The following CTTNBP2 variants were observed in gnomAD, a reference collection of about 807,000 sequenced individuals.
The protein encoded by CTTNBP2 is cortactin-binding protein 2.
A neutral mutation model predicts 156.9 loss-of-function variants in CTTNBP2; 108 were observed. That is an observed-to-expected ratio of 0.69 (90% confidence interval 0.59 to 0.81). The LOEUF (loss-of-function observed/expected upper bound fraction) is 0.81, where lower values mean the gene tolerates loss of function less well. Ranked by LOEUF, CTTNBP2 falls within the 30% of genes least tolerant of loss-of-function variation. The probability of loss-of-function intolerance (pLI) is 0.00; values close to 1 mark genes in which losing one functional copy is unlikely to be tolerated. For missense variants in CTTNBP2, 1,924 were observed against 2,035.4 expected, an observed-to-expected ratio of 0.95 and a Z score of 1.05; for synonymous variants, 767 against 751.8, an observed-to-expected ratio of 1.02 and a Z score of -0.33.
At chr7:117,794,240 G>A (rs1347408590) in intron 3 of CTTNBP2, among the ~76,000 whole-genome samples, 1 of 152,104 alleles carries the variant, frequency 6.6e-6, no homozygotes, top group East Asian at 1.9e-4. Flanking sequence ...TTCTGTCTAG[G>A]GAAGCATCTG....
rs151034032 is a variant in CTTNBP2, at chr7:117,846,359, G to A, written c.189+14850C>T. 2.1e-3 allele frequency among the ~76,000 whole-genome samples: 312 copies of A among 152,124 alleles called. 1 individual carries two copies. Among genetic ancestry groups the A allele is most frequent in the African/African-American group, 6.8e-3 (283 of 41,518 alleles). Reference sequence around the variant, plus strand: ...GAAATATAAAACTGTTGTATAACTCGTTTATAATTATGTTATGGTGGTAGG... The same window carrying A: ...GAAATATAAAACTGTTGTATAACTCATTTATAATTATGTTATGGTGGTAGG... On this transcript the variant is annotated intron_variant, in intron 2 of 22. Transcript: ENST00000160373.
chr7:117,855,530 C>T (rs1803247399), intron 2 of CTTNBP2, among the ~76,000 whole-genome samples: 1 of 152,188 alleles, frequency 6.6e-6, no homozygotes, highest in Admixed American at 6.5e-5. Flanking sequence ...CTTGTTGTCA[C>T]AACCAAAGAG....
intron 2 of CTTNBP2, among the ~76,000 whole-genome samples, chr7:117,856,258 A>T (rs1397827297): frequency 2.6e-5 from 4 of 152,220 alleles, no homozygotes; most frequent in Non-Finnish European, 5.9e-5. Flanking sequence ...TCCATTTCCC[A>T]TCTTTCCCCC....
At chr7:117,852,211 C>T (rs943055249) in intron 2 of CTTNBP2, among the ~76,000 whole-genome samples, 16 of 151,734 alleles carry the variant, frequency 1.1e-4, no homozygotes, top group Admixed American at 8.5e-4. Flanking sequence ...TCAAGGAAAT[C>T]CATACAACAG....
At chr7:117,784,038 G>T (rs1798567326) in intron 5 of CTTNBP2, among the ~76,000 whole-genome samples, 1 of 151,856 alleles carries the variant, frequency 6.6e-6, no homozygotes, top group African/African-American at 2.4e-5. Flanking sequence ...CTTTTTACTA[G>T]CTCTGGTAAA....
chr7:117,735,505 T>C (rs761728095), intron 14 of CTTNBP2, 84 bp from the exon 15 acceptor site: 316 of 1,193,062 alleles, frequency 2.6e-4, no homozygotes, highest in Non-Finnish European at 3.4e-4. Flanking sequence ...TCTGAAGTTA[T>C]AAAGCATTAG....
intron 2 of CTTNBP2, among the ~76,000 whole-genome samples, chr7:117,819,365 TCTCACACACACACACACACACACACA>T (rs1800810492): frequency 7.3e-6 from 1 of 136,844 alleles, no homozygotes. Flanking sequence ...CTTCTCTCTC[TCTCACACACACACACACACACACACA>T]CACACACACA....
chr7:117,849,379 A>G (rs935940082), intron 2 of CTTNBP2, among the ~76,000 whole-genome samples: 2 of 152,200 alleles, frequency 1.3e-5, no homozygotes, highest in Admixed American at 6.5e-5. Flanking sequence ...GATCTAGGGT[A>G]GGGATTCTAA....
chr7:117,783,125 C>T (rs1402194502), intron 5 of CTTNBP2, among the ~76,000 whole-genome samples, 164 bp from the exon 6 acceptor site: 1 of 152,134 alleles, frequency 6.6e-6, no homozygotes, highest in African/African-American at 2.4e-5. Flanking sequence ...GACTATTTTA[C>T]AGGAAAAGCA....
At chr7:117,793,785 T>G (rs534807195) in intron 3 of CTTNBP2, among the ~76,000 whole-genome samples, 4 of 152,352 alleles carry the variant, frequency 2.6e-5, no homozygotes, top group Admixed American at 6.5e-5. Flanking sequence ...CTGATCAGCC[T>G]AGACAGGGAG....
At chr7:117,780,979 G>A (rs1033731026) in intron 6 of CTTNBP2, among the ~76,000 whole-genome samples, 2 of 152,172 alleles carry the variant, frequency 1.3e-5, no homozygotes, top group African/African-American at 4.8e-5. Flanking sequence ...AAAGGCTGCT[G>A]AGTCATTCTG....
chr7:117,759,135 TG>T (rs2116641063), intron 10 of CTTNBP2, among the ~76,000 whole-genome samples: 1 of 152,196 alleles, frequency 6.6e-6, no homozygotes, highest in African/African-American at 2.4e-5. Context: ...TTTAAAGAGA[TG>T]GGGTCTTTGT....
At chr7:117,836,425 G>A (rs1477222804) in intron 2 of CTTNBP2, among the ~76,000 whole-genome samples, 8 of 152,120 alleles carry the variant, frequency 5.3e-5, no homozygotes, top group East Asian at 1.9e-4. Context: ...TTAGCCAGGC[G>A]TGGTGGTGGG....
intron 22 of CTTNBP2, chr7:117,713,948 G>A (rs2116317815): frequency 6.6e-6 from 1 of 152,314 alleles, no homozygotes; most frequent in East Asian, 1.9e-4. Context: ...GGAAAGGAAA[G>A]AGAAGTCTAG....
At chr7:117,816,999 C>G (rs1354548667) in intron 2 of CTTNBP2, among the ~76,000 whole-genome samples, 1 of 151,906 alleles carries the variant, frequency 6.6e-6, no homozygotes, top group Non-Finnish European at 1.5e-5. Flanking sequence ...ATAATAAAAA[C>G]AGACTCTTAA....
chr7:117,863,412 A>G (rs1803903407), intron 1 of CTTNBP2, among the ~76,000 whole-genome samples: 1 of 152,198 alleles, frequency 6.6e-6, no homozygotes, highest in East Asian at 1.9e-4. Flanking sequence ...TTCTGCTCCT[A>G]CTACACAGTA....
chr7:117,809,949 TCTCA>T (rs1800169283), intron 3 of CTTNBP2, among the ~76,000 whole-genome samples: 1 of 152,370 alleles, frequency 6.6e-6, no homozygotes, highest in Non-Finnish European at 1.5e-5. Flanking sequence ...CTTCTAGCTT[TCTCA>T]CTCTCTTTTC....
intron 2 of CTTNBP2, among the ~76,000 whole-genome samples, chr7:117,849,446 G>A (rs1802802040): frequency 1.3e-5 from 2 of 152,110 alleles, no homozygotes; most frequent in Non-Finnish European, 2.9e-5. Context: ...ACCACACTTG[G>A]AGAACAAAAG....
chr7:117,806,046 T>A (rs905658500), intron 3 of CTTNBP2, among the ~76,000 whole-genome samples: 3 of 152,228 alleles, frequency 2.0e-5, no homozygotes, highest in Non-Finnish European at 4.4e-5. Context: ...GACTTTGTTA[T>A]GTTATTGTCG....
Sources: gnomAD v4.1 joint callset for allele counts (sites outside exome capture counted in the v4.1 genomes callset) on GRCh38, gnomAD v4.1.1 for gene constraint, MANE v1.5 for transcripts, NCBI Gene and HGNC (gene_info 2026-07-23, HGNC 2026-07-21) for gene names.